CACNG1: variants seen among roughly 807,000 people sequenced by gnomAD.
CACNG1 encodes the protein voltage-dependent calcium channel gamma-1 subunit.
A neutral mutation model predicts 22.0 loss-of-function variants in CACNG1; 21 were observed. The observed-to-expected ratio is 0.95, with a 90% CI of 0.68 to 1.37. CACNG1 has a LOEUF of 1.37. Among genes scored for constraint, CACNG1 ranks in the 40% most tolerant of loss-of-function variants. The pLI is 0.00. For missense variants in CACNG1, 291 were observed against 308.6 expected (o/e 0.94, Z 0.43); for synonymous variants, 127 against 129.2 (o/e 0.98, Z 0.12).
chr17:67,054,177 T>A lies in CACNG1; in HGVS notation c.304+107T>A. 1.1e-6 allele frequency: 1 copy of A among 902,006 alleles called. No individual in the cohort carries two copies. The highest frequency in any genetic ancestry group is 1.8e-6 in the Non-Finnish European group (1 of 544,008). 55.9% of individuals were successfully genotyped at this position (902,006 alleles called of 1,614,324 possible). On this transcript the variant is annotated intron_variant, in intron 2 of 3. Transcript: ENST00000226021. This position sits in a 1 kb window ranked among gnomAD's most constrained non-coding sequence, Gnocchi z 4.6. Reference sequence around the variant, plus strand: ...AAAGCACTGACTTCCTCACGCCTGATGAGAAGAAGCCTGTGGTGCATTTGA... The same window carrying A: ...AAAGCACTGACTTCCTCACGCCTGAAGAGAAGAAGCCTGTGGTGCATTTGA...
intron 1 of CACNG1, among the ~76,000 whole-genome samples, chr17:67,051,240 G>A (rs1422480257): frequency 6.6e-6 from 1 of 152,114 alleles, no homozygotes; most frequent in East Asian, 1.9e-4. Flanking sequence ...AACAGGGCAG[G>A]GAGGGAAGGG....
At chr17:67,051,469 T>G (rs1210818405) in intron 1 of CACNG1, among the ~76,000 whole-genome samples, 2 of 152,032 alleles carry the variant, frequency 1.3e-5, no homozygotes, top group Non-Finnish European at 2.9e-5. Flanking sequence ...GAGACACCGG[T>G]CTTTTTCACA....
intron 1 of CACNG1, among the ~76,000 whole-genome samples, chr17:67,045,317 T>C (rs910108559): frequency 5.3e-5 from 8 of 152,094 alleles, no homozygotes; most frequent in African/African-American, 1.4e-4. Flanking sequence ...GGAGAGAGCA[T>C]AGGCGATGGA....
rs2143422641 is a variant in CACNG1 at position 67,055,963 on chromosome 17, C to T, written c.443-82C>T. 1 of 1,157,400 alleles carries T rather than the reference C, an allele frequency of 8.6e-7. No homozygotes were observed. Among genetic ancestry groups the T allele is most frequent in the East Asian group, 2.4e-5 (1 of 42,494 alleles). The allele number at this position is 1,157,400 out of a possible 1,614,324, so 71.7% of individuals were successfully genotyped here. A position where few individuals can be genotyped will look rare whatever the true frequency, so the allele number is the denominator to read the frequency against. ...TCCCCCAAGGCAAGGTCACCGCCTCCTCCATGCACACAGGCTGGGATGGGG... is the reference window on the plus strand; with the variant it reads ...TCCCCCAAGGCAAGGTCACCGCCTCTTCCATGCACACAGGCTGGGATGGGG... On this transcript the variant is annotated intron_variant, in intron 3 of 3. Transcript: ENST00000226021. This position sits in a 1 kb window ranked among gnomAD's most constrained non-coding sequence, Gnocchi z 4.5.
Position 67,054,712 on chromosome 17 carries a change from A to G in CACNG1, c.305-391A>G, listed in dbSNP as rs1202183848. On this transcript the variant is annotated intron_variant, in intron 2 of 3. Coordinates refer to ENST00000226021, the MANE Select transcript of CACNG1 (RefSeq NM_000727.4). This position sits in a 1 kb window ranked among gnomAD's most constrained non-coding sequence, Gnocchi z 4.6. ...GACACACACGCATGATGACACACAA[A>G]ATGACACACAGTGACACAGACACAC... is the stretch of plus-strand genomic sequence containing the variant. Among the ~76,000 whole-genome samples, 1 of 116,890 alleles carries G rather than the reference A, an allele frequency of 8.6e-6. No individual in the cohort carries two copies. Among genetic ancestry groups the G allele is most frequent in the Admixed American group, 9.8e-5 (1 of 10,190 alleles). 76.7% of individuals were successfully genotyped at this position (116,890 alleles called of 152,430 possible).
At chr17:67,050,799 C>G (rs1288392856) in intron 1 of CACNG1, among the ~76,000 whole-genome samples, 1 of 152,202 alleles carries the variant, frequency 6.6e-6, no homozygotes, top group Non-Finnish European at 1.5e-5. Flanking sequence ...ACTATTCCAT[C>G]CCCCAGTCAA....
At chr17:67,051,522 A>G (rs2035728116) in intron 1 of CACNG1, among the ~76,000 whole-genome samples, 1 of 152,182 alleles carries the variant, frequency 6.6e-6, no homozygotes. Context: ...ATCAGTCCTC[A>G]GGCCCCCAGT....
intron 1 of CACNG1, among the ~76,000 whole-genome samples, chr17:67,045,491 G>A (rs2035691206): frequency 6.7e-6 from 1 of 150,316 alleles, no homozygotes; most frequent in Non-Finnish European, 1.5e-5. Flanking sequence ...GGACATGGCT[G>A]TAGGCTGTAG....
intron 1 of CACNG1, among the ~76,000 whole-genome samples, chr17:67,047,939 G>A (rs1380467584): frequency 6.6e-6 from 1 of 152,156 alleles, no homozygotes; most frequent in African/African-American, 2.4e-5. Context: ...TGGCTTAGCT[G>A]AGCATGAAAG....
chr17:67,045,324 T>C (rs2035690156), intron 1 of CACNG1, among the ~76,000 whole-genome samples: 3 of 152,122 alleles, frequency 2.0e-5, no homozygotes, highest in South Asian at 2.1e-4. Flanking sequence ...GCATAGGCGA[T>C]GGAATTTGCA....
chr17:67,044,730 A>G lies in CACNG1; in HGVS notation c.70A>G (p.Met24Val), dbSNP rs1256253636. ...FCILAGIVLAMTAVVTDHWAV... is the reference protein window; with the variant it reads ...FCILAGIVLAVTAVVTDHWAV... ...CATCCTGGCAGGCATCGTGCTGGCC[A>G]TGACAGCCGTGGTAACCGACCACTG... is the stretch of plus-strand genomic sequence containing the variant. The change falls in exon 1 of 4, where the codon ATG (methionine) becomes GTG (valine). Residue 24 changes from methionine (M) to valine (V), a missense_variant. Physicochemically the swap from Met to Val is conservative, Grantham distance 21. Coordinates refer to ENST00000226021, the MANE Select transcript of CACNG1 (RefSeq NM_000727.4). This position sits in a 1 kb window ranked among gnomAD's most constrained non-coding sequence, Gnocchi z 6.9. 2 of 1,612,652 alleles carry G rather than the reference A, an allele frequency of 1.2e-6. No individual in the cohort carries two copies. The highest frequency in any genetic ancestry group is 1.7e-6 in the Non-Finnish European group (2 of 1,180,006).
rs112644654 is a variant in CACNG1 at position 67,051,927 on chromosome 17, T to C, written c.230-2069T>C. ...CTCCGCTGGGAAGGATTTTAACTTATGGCTTTTGAGCAGTCAGGGAGGCAG... is the reference window on the plus strand; with the variant it reads ...CTCCGCTGGGAAGGATTTTAACTTACGGCTTTTGAGCAGTCAGGGAGGCAG... On this transcript the variant is annotated intron_variant, in intron 1 of 3. Coordinates refer to ENST00000226021, the MANE Select transcript of CACNG1 (RefSeq NM_000727.4). Among the ~76,000 whole-genome samples the C allele has an allele frequency of 3.0e-3, 462 of 152,360 alleles. 3 individuals carry two copies. The highest frequency in any genetic ancestry group is 0.011 in the African/African-American group (445 of 41,584).
In CACNG1 at chr17:67,055,900, T is replaced by G. The variant is rs1203643619; in HGVS notation, c.443-145T>G. 3.1e-6 allele frequency: 2 copies of G among 636,174 alleles called. No homozygotes were observed. The highest frequency in any genetic ancestry group is 3.7e-5 in the South Asian group (2 of 54,198). The allele number at this position is 636,174 out of a possible 1,614,324, so 39.4% of individuals were successfully genotyped here. A position where few individuals can be genotyped will look rare whatever the true frequency, so the allele number is the denominator to read the frequency against. On this transcript the variant is annotated intron_variant, in intron 3 of 3. Coordinates refer to ENST00000226021, the MANE Select transcript of CACNG1 (RefSeq NM_000727.4). This position sits in a 1 kb window ranked among gnomAD's most constrained non-coding sequence, Gnocchi z 4.5. ...TGGTGGGTGGACAAATGGATCCTTC[T>G]GCAGGTTCCCATCTAGAACCTGCCT...
In CACNG1 at chr17:67,052,532, A is replaced by G. The variant is rs560160136; in HGVS notation, c.230-1464A>G. On this transcript the variant is annotated intron_variant, in intron 1 of 3. Coordinates refer to ENST00000226021, the MANE Select transcript of CACNG1 (RefSeq NM_000727.4). ...ACTAGGCATCAACCGCCTTATGAGC[A>G]TCTAAATGAAGCCTGGAAGTGAAGA... 2.6e-5 allele frequency among the ~76,000 whole-genome samples: 4 copies of G among 152,338 alleles called. No individual in the cohort carries two copies. In the East Asian group the frequency reaches 7.7e-4, roughly 29 times the overall value.
Position 67,044,620 on chromosome 17 carries a change from C to A in CACNG1, c.-41C>A. 1 of 1,414,934 alleles carries A rather than the reference C, an allele frequency of 7.1e-7. No homozygotes were observed. Among genetic ancestry groups the A allele is most frequent in the Non-Finnish European group, 9.9e-7 (1 of 1,013,916 alleles). 87.6% of individuals were successfully genotyped at this position (1,414,934 alleles called of 1,614,324 possible). On this transcript the variant is annotated 5_prime_UTR_variant, in exon 1 of 4. Transcript: ENST00000226021. This position sits in a 1 kb window ranked among gnomAD's most constrained non-coding sequence, Gnocchi z 6.9. ...TGTCACCTGCCCTAGGAGACGCAGC[C>A]GCCGGACCCTGCCCAGGGCACCCAC... is the stretch of plus-strand genomic sequence containing the variant.
chr17:67,047,416 C>T (rs1248177996), intron 1 of CACNG1, among the ~76,000 whole-genome samples: 1 of 152,166 alleles, frequency 6.6e-6, no homozygotes, highest in East Asian at 1.9e-4. Flanking sequence ...TTCCTGTTTC[C>T]CTTTCCCAGC....
rs375880771 is a variant in CACNG1, at chr17:67,056,647, C to T, written c.*376C>T. ...ACCTGTGTTTGCCAGCTGGGTGTTC[C>T]GTGTAAATAGCCAGCCTGTCTCTTT... On this transcript the variant is annotated 3_prime_UTR_variant, in exon 4 of 4. Coordinates refer to ENST00000226021, the MANE Select transcript of CACNG1 (RefSeq NM_000727.4). This position sits in a 1 kb window ranked among gnomAD's most constrained non-coding sequence, Gnocchi z 4.3. 8.0e-5 allele frequency: 18 copies of T among 225,666 alleles called. No individual in the cohort carries two copies. In the South Asian group the frequency reaches 1.4e-3, roughly 17 times the overall value. The allele number at this position is 225,666 out of a possible 1,614,324, so 14.0% of individuals were successfully genotyped here. A position where few individuals can be genotyped will look rare whatever the true frequency, so the allele number is the denominator to read the frequency against.
At chr17:67,051,906 G>A (rs901690137) in intron 1 of CACNG1, among the ~76,000 whole-genome samples, 4 of 152,218 alleles carry the variant, frequency 2.6e-5, no homozygotes, top group Admixed American at 1.3e-4. Context: ...AGGGCCCTCC[G>A]CTGGGAAGGA....
intron 1 of CACNG1, among the ~76,000 whole-genome samples, chr17:67,050,934 G>T (rs2035724381): frequency 6.6e-6 from 1 of 152,220 alleles, no homozygotes; most frequent in African/African-American, 2.4e-5. Context: ...AAGGAGAATG[G>T]CACGACCTCA....
Sources: allele counts gnomAD v4.1 joint callset (sites outside exome capture counted in the v4.1 genomes callset), GRCh38; gene constraint gnomAD v4.1.1; non-coding constraint Gnocchi (gnomAD v3.1); transcripts MANE v1.5; gene names NCBI Gene and HGNC (gene_info 2026-07-23, HGNC 2026-07-21).